The following ANK2 variants were observed in gnomAD, a reference collection of about 807,000 sequenced individuals.
The protein encoded by ANK2 is ankyrin 2.
Under a neutral mutation model 360.5 loss-of-function variants are expected in ANK2, and 83 were observed. The observed-to-expected ratio is 0.23, with a 90% CI of 0.19 to 0.28. ANK2 has a LOEUF of 0.28. ANK2 is among the 10% of genes least tolerant of loss of function. The probability of loss-of-function intolerance (pLI) is 1.00; values close to 1 mark genes in which losing one functional copy is unlikely to be tolerated. For missense variants in ANK2, 4,201 were observed against 4,795.7 expected, an observed-to-expected ratio of 0.88 and a Z score of 3.66; for synonymous variants, 1,740 against 1,759.5, an observed-to-expected ratio of 0.99 and a Z score of 0.28.
At chr4:112,890,601 C>CCG (rs1459067790) in intron 1 of ANK2, among the ~76,000 whole-genome samples, 7 of 83,654 alleles carry the variant, frequency 8.4e-5, no homozygotes, top group Middle Eastern at 0.013. Flanking sequence ...GAGTTTCGCT[C>CCG]TTATTGCCCA....
the ANK2 span, among the ~76,000 whole-genome samples, chr4:112,758,065 G>A: frequency 1.1e-4 from 12 of 108,286 alleles, no homozygotes; most frequent in Admixed American, 7.3e-4. Flanking sequence ...CATCACACCC[G>A]GCTAATTTTG....
chr4:112,812,024 A>C, the ANK2 span, among the ~76,000 whole-genome samples: 1 of 140,046 alleles, frequency 7.1e-6, no homozygotes, highest in Non-Finnish European at 1.5e-5. Context: ...GCAGTGAGCC[A>C]CGATCCCGCC....
At chr4:112,899,072 A>G (rs888212635) in intron 1 of ANK2, among the ~76,000 whole-genome samples, 10 of 152,172 alleles carry the variant, frequency 6.6e-5, no homozygotes, top group African/African-American at 2.4e-4. Context: ...GCTCAACTCT[A>G]ACCAAGTTGA....
intron 1 of ANK2, among the ~76,000 whole-genome samples, chr4:112,848,605 C>T (rs2063889990): frequency 6.6e-6 from 1 of 152,100 alleles, no homozygotes; most frequent in East Asian, 1.9e-4. Flanking sequence ...TAGTTTTCTC[C>T]AATCTGTGTT....
At chr4:112,791,164 A>G in the ANK2 span, among the ~76,000 whole-genome samples, 1 of 152,154 alleles carries the variant, frequency 6.6e-6, no homozygotes, top group South Asian at 2.1e-4. Flanking sequence ...TTTCTAACAT[A>G]TGAGAGTGGA....
chr4:112,828,992 A>G (rs946444241), intron 1 of ANK2, among the ~76,000 whole-genome samples: 4 of 152,136 alleles, frequency 2.6e-5, no homozygotes, highest in Admixed American at 6.6e-5. Context: ...TGTCTCTACT[A>G]AAAGCAAAAC....
intron 1 of ANK2, among the ~76,000 whole-genome samples, chr4:112,882,631 T>G (rs2077011524): frequency 6.6e-6 from 1 of 152,122 alleles, no homozygotes; most frequent in Non-Finnish European, 1.5e-5. Context: ...TGGGAAAATT[T>G]ATGTAGGCAA....
intron 1 of ANK2, among the ~76,000 whole-genome samples, chr4:113,088,405 T>G (rs1370193935): frequency 1.3e-5 from 2 of 152,158 alleles, no homozygotes; most frequent in Non-Finnish European, 2.9e-5. Flanking sequence ...AAACAAAACA[T>G]GAGCATCATC....
At chr4:112,759,076 A>G in the ANK2 span, among the ~76,000 whole-genome samples, 3 of 152,142 alleles carry the variant, frequency 2.0e-5, no homozygotes, top group African/African-American at 7.2e-5. Flanking sequence ...TAGTTTTTCT[A>G]TTTTTGATTT....
At chr4:113,102,602 T>G (rs1471384801) in intron 1 of ANK2, among the ~76,000 whole-genome samples, 1 of 151,964 alleles carries the variant, frequency 6.6e-6, no homozygotes, top group Non-Finnish European at 1.5e-5. Context: ...AGAAAGACCA[T>G]GAAAAGAACA....
chr4:112,918,144 G>A (rs1339459809), intron 2 of ANK2, among the ~76,000 whole-genome samples: 1 of 152,124 alleles, frequency 6.6e-6, no homozygotes, highest in Non-Finnish European at 1.5e-5. Flanking sequence ...CTATTCAAAA[G>A]GTAAATGGGT....
rs2153687908 is a variant in ANK2 at position 113,274,460 on chromosome 4, G to A, written c.1494G>A (p.Gln498=). The A allele has an allele frequency of 1.2e-6, 2 of 1,614,192 alleles. No individual in the cohort carries two copies. The highest frequency in any genetic ancestry group is 8.5e-7 in the Non-Finnish European group (1 of 1,180,024). ...CTTGGCTTGAGTTGTAGGAGGAACA[G>A]ACACCTTTACATATTGCCTCCCGCC... ...ALVDARAREE[Q]TPLHIASRLG... is the part of the protein sequence containing the mutation. Residue 498 remains glutamine (Q), a synonymous_variant, in exon 15 of 46, where the codon CAG becomes CAA. Transcript: ENST00000357077.
At chr4:112,874,709 C>CT (rs1694333494) in intron 1 of ANK2, among the ~76,000 whole-genome samples, 1 of 150,078 alleles carries the variant, frequency 6.7e-6, no homozygotes, top group East Asian at 2.0e-4. Flanking sequence ...AACCACTGAC[C>CT]TAAAGGAATG....
chr4:113,256,044 C>G (rs2049129779), intron 11 of ANK2, 112 bp downstream of exon 11: 1 of 1,306,244 alleles, frequency 7.7e-7, no homozygotes, highest in South Asian at 1.2e-5. Flanking sequence ...TGTAGTTAAT[C>G]CTGCTAAATT....
chr4:113,087,348 G>A (rs1404546923), intron 1 of ANK2, among the ~76,000 whole-genome samples: 2 of 152,200 alleles, frequency 1.3e-5, no homozygotes, highest in Non-Finnish European at 2.9e-5. Context: ...AGTTATGGGA[G>A]ATGAGGGTGG....
chr4:112,815,564 G>A (rs1453435478), upstream of ANK2, among the ~76,000 whole-genome samples: 1 of 152,174 alleles, frequency 6.6e-6, no homozygotes, highest in African/African-American at 2.4e-5. Context: ...GGGGGCAGGG[G>A]CCTGCCCTAG....
intron 14 of ANK2, among the ~76,000 whole-genome samples, chr4:113,266,455 C>T (rs1343966037): frequency 6.6e-6 from 1 of 152,150 alleles, no homozygotes; most frequent in African/African-American, 2.4e-5. Flanking sequence ...GCTTATAATC[C>T]TTTGGGTATA....
At chr4:112,739,477 G>A in the ANK2 span, among the ~76,000 whole-genome samples, 1,689 of 152,188 alleles carry the variant, frequency 0.011, 43 homozygotes, top group African/African-American at 0.037. Flanking sequence ...AGCCCGGCGT[G>A]GTGGCTCGCA....
At chr4:113,107,900 C>T (rs1020312612) in intron 1 of ANK2, among the ~76,000 whole-genome samples, 1 of 152,036 alleles carries the variant, frequency 6.6e-6, no homozygotes, top group African/African-American at 2.4e-5. Flanking sequence ...AATTTGATGC[C>T]CTCTACCACA....
Sources: gnomAD v4.1 joint callset for allele counts (sites outside exome capture counted in the v4.1 genomes callset) on GRCh38, gnomAD v4.1.1 for gene constraint, MANE v1.5 for transcripts, NCBI Gene and HGNC (gene_info 2026-07-23, HGNC 2026-07-21) for gene names.